UNC79: variants seen among roughly 807,000 people sequenced by gnomAD.
The protein encoded by UNC79 is protein unc-79 homolog.
Under a neutral mutation model 283.1 loss-of-function variants are expected in UNC79, and 37 were observed. The observed-to-expected ratio is 0.13, with a 90% CI of 0.10 to 0.17. UNC79 has a LOEUF of 0.17. Ranked by LOEUF, UNC79 falls within the 10% of genes least tolerant of loss-of-function variation. The probability of loss-of-function intolerance (pLI) is 1.00; values close to 1 mark genes in which losing one functional copy is unlikely to be tolerated. For missense variants in UNC79, 2,272 were observed against 3,211.1 expected, an observed-to-expected ratio of 0.71 and a Z score of 7.07; for synonymous variants, 1,107 against 1,200.2, an observed-to-expected ratio of 0.92 and a Z score of 1.61.
intron 1 of UNC79, among the ~76,000 whole-genome samples, chr14:93,360,138 A>T (rs1318993459): frequency 1.3e-5 from 2 of 152,120 alleles, no homozygotes; most frequent in Non-Finnish European, 2.9e-5. Context: ...CCAGTGCTAG[A>T]ATGCATAATT....
At chr14:93,657,784 G>C (rs2071115025) in intron 38 of UNC79, among the ~76,000 whole-genome samples, 1 of 152,156 alleles carries the variant, frequency 6.6e-6, no homozygotes, top group Admixed American at 6.5e-5. Context: ...CCTGCCCATA[G>C]GGACCCTGCC....
At chr14:93,528,020 T>C (rs2141023013) in intron 8 of UNC79, among the ~76,000 whole-genome samples, 1 of 151,614 alleles carries the variant, frequency 6.6e-6, no homozygotes, top group Admixed American at 6.6e-5. Flanking sequence ...GGATGATTGA[T>C]ACAGAACTAA....
chr14:93,376,735 T>A (rs920601335), intron 1 of UNC79, among the ~76,000 whole-genome samples: 6 of 151,986 alleles, frequency 3.9e-5, no homozygotes, highest in Non-Finnish European at 7.4e-5. Context: ...ATAAATTCGG[T>A]TTTTGTGATT....
At chr14:93,524,284 T>C (rs2060450460) in intron 8 of UNC79, among the ~76,000 whole-genome samples, 1 of 152,236 alleles carries the variant, frequency 6.6e-6, no homozygotes, top group South Asian at 2.1e-4. Context: ...GAGCTAATTA[T>C]CTATCAGAAG....
chr14:93,404,493 A>AAAAAAAATAT lies in UNC79; in HGVS notation c.-350-63177_-350-63176insAAAAAATATA. 4.8e-3 allele frequency among the ~76,000 whole-genome samples: 295 copies of AAAAAAAATAT among 61,504 alleles called. 15 individuals carry two copies. Among genetic ancestry groups the AAAAAAAATAT allele is most frequent in the African/African-American group, 8.5e-3 (128 of 15,000 alleles). The allele number at this position is 61,504 out of a possible 152,430, so 40.3% of individuals were successfully genotyped here. ...TGACAGAGTGAGACCTTCTAAAAAA[A>AAAAAAAATAT]ATATATATATATATATATATAAATA... On this transcript the variant is annotated intron_variant, in intron 1 of 49. Coordinates refer to the UNC79 transcript ENST00000256339.
rs1336286384 is a variant in UNC79, at chr14:93,487,773, T to A, written c.712+18T>A. 1 of 1,605,224 alleles carries A rather than the reference T, an allele frequency of 6.2e-7. No homozygotes were observed. The highest frequency in any genetic ancestry group is 2.2e-5 in the East Asian group (1 of 44,778). ...CAATCCAGGTAAGTGGAAATTGGAA[T>A]GGTTTGACTAATTCTAGTACCAATA... On this transcript the variant is annotated intron_variant, in intron 5 of 48. Transcript: ENST00000555664.
chr14:93,667,815 C>T (rs2072383521), intron 40 of UNC79, among the ~76,000 whole-genome samples: 1 of 152,118 alleles, frequency 6.6e-6, no homozygotes, highest in Non-Finnish European at 1.5e-5. Context: ...AATAGGGCCT[C>T]TTGACAGAGT....
chr14:93,390,088 C>A (rs1375043279), intron 1 of UNC79, among the ~76,000 whole-genome samples: 1 of 152,144 alleles, frequency 6.6e-6, no homozygotes, highest in Non-Finnish European at 1.5e-5. Context: ...CAAACTTCAT[C>A]CAGTGACCTA....
intron 26 of UNC79, 87 bp from the exon 28 acceptor site, chr14:93,612,709 AG>A: frequency 6.6e-7 from 1 of 1,512,714 alleles, no homozygotes; most frequent in Non-Finnish European, 8.9e-7. Context: ...CGCAGAAACA[AG>A]GGTGCCTTAT....
chr14:93,404,772 G>T (rs1442841502), intron 1 of UNC79, among the ~76,000 whole-genome samples: 3 of 151,406 alleles, frequency 2.0e-5, no homozygotes, highest in Non-Finnish European at 2.9e-5. Flanking sequence ...AGCAGATTGA[G>T]TAAAAAATAA....
At chr14:93,448,661 T>C (rs1898651380) in intron 1 of UNC79, among the ~76,000 whole-genome samples, 1 of 152,214 alleles carries the variant, frequency 6.6e-6, no homozygotes, top group Admixed American at 6.5e-5. Context: ...TGTTGTTTCC[T>C]TTGCTTTATG....
chr14:93,682,579 T>A (rs773609105), intron 41 of UNC79, 38 bp from the exon 45 acceptor site: 5 of 1,544,804 alleles, frequency 3.2e-6, no homozygotes, highest in Non-Finnish European at 4.5e-6. Context: ...AATGTCCAGA[T>A]ACCCTTAAAA....
intron 13 of UNC79, among the ~76,000 whole-genome samples, chr14:93,542,004 CAAAA>C (rs745650977): frequency 1.7e-5 from 1 of 59,892 alleles, no homozygotes; most frequent in African/African-American, 6.2e-5. Context: ...GACTCCATCT[CAAAA>C]AAAAAAAAAA....
intron 1 of UNC79, among the ~76,000 whole-genome samples, chr14:93,351,081 T>C (rs891539898): frequency 4.6e-5 from 7 of 152,236 alleles, no homozygotes; most frequent in African/African-American, 1.7e-4. Flanking sequence ...GGTTTGACTT[T>C]TGGGTTATCT....
intron 1 of UNC79, among the ~76,000 whole-genome samples, chr14:93,420,966 T>C (rs2055585402): frequency 6.6e-6 from 1 of 151,668 alleles, no homozygotes; most frequent in Non-Finnish European, 1.5e-5. Flanking sequence ...AGTATGAAGA[T>C]GGAAGTTCCC....
intron 1 of UNC79, among the ~76,000 whole-genome samples, chr14:93,368,735 G>C (rs148373065): frequency 0.012 from 1,840 of 152,244 alleles, 37 homozygotes; most frequent in African/African-American, 0.042. Context: ...GCCTTCCAAA[G>C]TGCGGGGATT....
intron 35 of UNC79, among the ~76,000 whole-genome samples, chr14:93,651,577 A>G (rs2140315311): frequency 6.6e-6 from 1 of 152,338 alleles, no homozygotes; most frequent in Admixed American, 6.5e-5. Flanking sequence ...GCTGATATCT[A>G]AATAACAATT....
intron 1 of UNC79, among the ~76,000 whole-genome samples, chr14:93,382,540 A>G (rs2054684822): frequency 2.0e-5 from 3 of 152,172 alleles, no homozygotes; most frequent in South Asian, 4.1e-4. Flanking sequence ...TTGCATGCCA[A>G]TCGTTAATAG....
At chr14:93,567,379 C>T (rs2062955046) in intron 14 of UNC79, among the ~76,000 whole-genome samples, 1 of 152,226 alleles carries the variant, frequency 6.6e-6, no homozygotes, top group South Asian at 2.1e-4. Flanking sequence ...GTGCCCACCA[C>T]CATGCCTGGC....
Sources: gnomAD v4.1 joint callset for allele counts (sites outside exome capture counted in the v4.1 genomes callset) on GRCh38, gnomAD v4.1.1 for gene constraint, MANE v1.5 for transcripts, NCBI Gene and HGNC (gene_info 2026-07-23, HGNC 2026-07-21) for gene names.